The following KDM3B variants were observed in gnomAD, a reference collection of about 807,000 sequenced individuals.
KDM3B encodes the protein lysine-specific demethylase 3B.
KDM3B carries 10 observed loss-of-function variants against 170.0 expected under a neutral mutation model. The ratio of observed to expected loss-of-function variants is 0.06; its 90% confidence interval spans 0.04 to 0.10. The LOEUF is 0.10. Ranked by LOEUF, KDM3B falls within the 10% of genes least tolerant of loss-of-function variation. KDM3B has a pLI of 1.00. For missense variants in KDM3B, 1,394 were observed against 2,195.2 expected (o/e 0.64, Z 7.29); for synonymous variants, 831 against 834.8 (o/e 1.00, Z 0.08).
Position 138,379,230 on chromosome 5 carries a change from G to A in KDM3B, c.581-354G>A, listed in dbSNP as rs140423581. Among the ~76,000 whole-genome samples, 514 of 152,136 alleles carry A rather than the reference G, an allele frequency of 3.4e-3. 1 individual carries two copies. The highest frequency in any genetic ancestry group is 0.012 in the African/African-American group (494 of 41,524). On this transcript the variant is annotated intron_variant, in intron 4 of 23. Coordinates refer to ENST00000314358, the MANE Select transcript of KDM3B (RefSeq NM_016604.4). ...TGTACATGTAGTTAGATACATGTCA[G>A]GTATCTACCTACATTTTCATACTAC...
Position 138,393,193 on chromosome 5 carries a change from T to C in KDM3B, c.2652T>C (p.Asp884=). ...CAGTTGGCCAGTCAGTGCTGAAAGA[T>C]GTAAGCAAAGTGAAGAAGCTGAAGC... ...PLKVGQSVLK[D]VSKVKKLKQS... The change falls in exon 9 of 24, where the codon GAT becomes GAC. Residue 884 remains aspartate, a synonymous_variant. Coordinates refer to ENST00000314358, the MANE Select transcript of KDM3B (RefSeq NM_016604.4). 1 of 1,614,138 alleles carries C rather than the reference T, an allele frequency of 6.2e-7. No individual in the cohort carries two copies. Among genetic ancestry groups the C allele is most frequent in the Non-Finnish European group, 8.5e-7 (1 of 1,180,042 alleles).
chr5:138,385,946 T>C lies in KDM3B; in HGVS notation c.781-76T>C, dbSNP rs907112179. ...TGCCTGCTTTGTCTGCTTCTAGAGA[T>C]GGGAAAGAGCTAATGGTGTGTGGTA... On this transcript the variant is annotated intron_variant, in intron 6 of 23. Coordinates refer to ENST00000314358, the MANE Select transcript of KDM3B (RefSeq NM_016604.4). The C allele has an allele frequency of 3.0e-5, 45 of 1,491,114 alleles. No homozygotes were observed. The East Asian group carries it at 1.0e-3, about 34-fold the overall frequency. 92.4% of individuals were successfully genotyped at this position (1,491,114 alleles called of 1,614,324 possible). A position where few individuals can be genotyped will look rare whatever the true frequency, so the allele number is the denominator to read the frequency against.
chr5:138,371,366 G>A (rs1055371596), intron 1 of KDM3B, among the ~76,000 whole-genome samples: 1 of 149,662 alleles, frequency 6.7e-6, no homozygotes, highest in Non-Finnish European at 1.5e-5. Flanking sequence ...GGCTGAGGGA[G>A]AATTGCTTGA....
intron 5 of KDM3B, among the ~76,000 whole-genome samples, chr5:138,380,009 G>T (rs1164335525): frequency 1.3e-5 from 2 of 152,094 alleles, no homozygotes; most frequent in African/African-American, 4.8e-5. Flanking sequence ...GACAGTAGTA[G>T]TATTATATTC....
chr5:138,384,106 C>T (rs778562446), intron 6 of KDM3B, among the ~76,000 whole-genome samples: 1 of 150,804 alleles, frequency 6.6e-6, no homozygotes, highest in Non-Finnish European at 1.5e-5. Flanking sequence ...ATTAGCCGGG[C>T]GCGGTGGCGG....
At chr5:138,413,729 G>A (rs1763034374) in intron 11 of KDM3B, among the ~76,000 whole-genome samples, 1 of 151,860 alleles carries the variant, frequency 6.6e-6, no homozygotes, top group Non-Finnish European at 1.5e-5. Flanking sequence ...CGCCTCCCAG[G>A]CTCAAACAAT....
rs1290021489 is a variant in KDM3B, at chr5:138,435,880, A to T, written c.*180A>T. On this transcript the variant is annotated 3_prime_UTR_variant, in exon 24 of 24. Transcript: ENST00000314358. ...TCAACACTGAAGGTTGACACAGGAAAGTCGTACTGTTCACACACACAGTTT... is the reference window on the plus strand; with the variant it reads ...TCAACACTGAAGGTTGACACAGGAATGTCGTACTGTTCACACACACAGTTT... The T allele has an allele frequency of 5.0e-6, 3 of 597,380 alleles. No individual in the cohort carries two copies. Among genetic ancestry groups the T allele is most frequent in the African/African-American group, 1.9e-5 (1 of 53,952 alleles). The allele number at this position is 597,380 out of a possible 1,614,324, so 37.0% of individuals were successfully genotyped here. A position where few individuals can be genotyped will look rare whatever the true frequency, so the allele number is the denominator to read the frequency against.
At chr5:138,395,792 A>ATTTTTGTAT (rs926138231) in intron 9 of KDM3B, among the ~76,000 whole-genome samples, 4 of 151,748 alleles carry the variant, frequency 2.6e-5, no homozygotes, top group African/African-American at 7.3e-5. Flanking sequence ...AATTTTTTGT[A>ATTTTTGTAT]TTTTTGGTAG....
intron 11 of KDM3B, among the ~76,000 whole-genome samples, chr5:138,401,982 G>T (rs1762705818): frequency 6.6e-6 from 1 of 151,768 alleles, no homozygotes; most frequent in South Asian, 2.1e-4. Flanking sequence ...AGGCTGGAGT[G>T]CAGTGGCATC....
Position 138,424,143 on chromosome 5 carries a change from G to A in KDM3B, c.4041G>A (p.Lys1347=). The A allele has an allele frequency of 6.2e-7, 1 of 1,612,286 alleles. No individual in the cohort carries two copies. Among genetic ancestry groups the A allele is most frequent in the Non-Finnish European group, 8.5e-7 (1 of 1,178,804 alleles). ...TCATTGCCTCAGTGGTAGAAAATAA[G>A]AAAACCTCAGATGCTTCAAAGCGGG... The part of the protein sequence containing the change: ...DHIIASVVEN[K]KTSDASKRAC... Residue 1347 remains lysine (K), a synonymous_variant, in exon 16 of 24, where the codon AAG becomes AAA. Transcript: ENST00000314358.
rs1395093326 is a variant in KDM3B at position 138,435,840 on chromosome 5, C to T, written c.*140C>T. ...CAGTATTCCAAACTCTCCAGCCACT[C>T]TCTTCTACGCTGCCTCAACACTGAA... On this transcript the variant is annotated 3_prime_UTR_variant, in exon 24 of 24. Transcript: ENST00000314358. The T allele has an allele frequency of 3.1e-6, 2 of 650,450 alleles. No homozygotes were observed. The highest frequency in any genetic ancestry group is 2.7e-5 in the East Asian group (1 of 36,440). The allele number at this position is 650,450 out of a possible 1,614,324, so 40.3% of individuals were successfully genotyped here. A position where few individuals can be genotyped will look rare whatever the true frequency, so the allele number is the denominator to read the frequency against.
At chr5:138,413,750 C>T (rs1763034914) in intron 11 of KDM3B, among the ~76,000 whole-genome samples, 1 of 151,984 alleles carries the variant, frequency 6.6e-6, no homozygotes, top group Non-Finnish European at 1.5e-5. Flanking sequence ...CCTCCTACCT[C>T]AGCCACCCAA....
At chr5:138,422,533 G>A (rs1033585545) in intron 15 of KDM3B, among the ~76,000 whole-genome samples, 2 of 152,044 alleles carry the variant, frequency 1.3e-5, no homozygotes, top group South Asian at 4.1e-4. Flanking sequence ...CCAGCTACTC[G>A]GGAGGTTGAG....
chr5:138,367,717 T>A (rs1761776912), intron 1 of KDM3B, among the ~76,000 whole-genome samples: 1 of 152,160 alleles, frequency 6.6e-6, no homozygotes, highest in South Asian at 2.1e-4. Flanking sequence ...TAATCAGGCT[T>A]TTAAAAAATT....
At chr5:138,362,483 G>T (rs568237079) in intron 1 of KDM3B, among the ~76,000 whole-genome samples, 2 of 150,536 alleles carry the variant, frequency 1.3e-5, no homozygotes, top group African/African-American at 4.9e-5. Context: ...TCATTAAGTC[G>T]GGTGCAGTGG....
intron 4 of KDM3B, among the ~76,000 whole-genome samples, chr5:138,379,255 C>T (rs1762070923): frequency 6.6e-6 from 1 of 152,064 alleles, no homozygotes; most frequent in African/African-American, 2.4e-5. Context: ...TTTCATACTA[C>T]TGTAGTTTTT....
At position 138,424,352 on chromosome 5, in the gene KDM3B, A is replaced by G. The variant is rs755013578; in HGVS notation, c.4239+11A>G. Reference sequence around the variant, plus strand: ...TGGAAGCAAGGTCAGGTAAGCAAGAATAAGTCGTTCCAAGGGCCAATTCTC... The same window carrying G: ...TGGAAGCAAGGTCAGGTAAGCAAGAGTAAGTCGTTCCAAGGGCCAATTCTC... On this transcript the variant is annotated intron_variant, in intron 16 of 23. Coordinates refer to ENST00000314358, the MANE Select transcript of KDM3B (RefSeq NM_016604.4). The G allele has an allele frequency of 5.6e-6, 9 of 1,610,844 alleles. No individual in the cohort carries two copies. The East Asian group carries it at 2.0e-4, about 36-fold the overall frequency.
In KDM3B at chr5:138,367,589, A is replaced by G. The variant is rs1414929268; in HGVS notation, c.193-5085A>G. On this transcript the variant is annotated intron_variant, in intron 1 of 23. Transcript: ENST00000314358. ...CTTTTCTTAACTAATAAAATACTTT[A>G]CTTGGAATCCTTGGGTCCTAATCGA... Among the ~76,000 whole-genome samples the G allele has an allele frequency of 2.0e-5, 3 of 152,252 alleles. No homozygotes were observed. In the South Asian group the frequency reaches 6.2e-4, roughly 31 times the overall value.
intron 20 of KDM3B, 47 bp from the exon 21 acceptor site, chr5:138,429,779 T>G (rs753688112): frequency 6.3e-7 from 1 of 1,591,960 alleles, no homozygotes; most frequent in Non-Finnish European, 8.6e-7. Flanking sequence ...CACTCAGTGG[T>G]ACTGAAATGG....
Sources: gnomAD v4.1 joint callset for allele counts (sites outside exome capture counted in the v4.1 genomes callset) on GRCh38, gnomAD v4.1.1 for gene constraint, MANE v1.5 for transcripts, NCBI Gene and HGNC (gene_info 2026-07-23, HGNC 2026-07-21) for gene names.